PLS3: variants seen among roughly 807,000 people sequenced by gnomAD.
PLS3 encodes plastin 3.
In PLS3, 11 loss-of-function variants were observed where a neutral mutation model predicts 46.5. The ratio of observed to expected loss-of-function variants is 0.24; its 90% CI spans 0.15 to 0.39. The LOEUF is 0.39. Among genes scored for constraint, PLS3 ranks in the 10% least tolerant of loss-of-function variants. PLS3 has a pLI of 1.00. For missense variants in PLS3, 308 were observed against 461.8 expected (o/e 0.67, Z 3.05); for synonymous variants, 167 against 162.2 (o/e 1.03, Z -0.22).
chrX:115,562,139 C>G (rs1041424204), intron 1 of PLS3, among the ~76,000 whole-genome samples: 4 of 110,643 alleles, frequency 3.6e-5, no homozygotes, highest in African/African-American at 1.3e-4. Context: ...TCTACCCCCC[C>G]GCCCTTTCCC....
At chrX:115,570,267 A>G (rs782005959) in intron 1 of PLS3, among the ~76,000 whole-genome samples, 1 of 110,793 alleles carries the variant, frequency 9.0e-6, no homozygotes, top group Non-Finnish European at 1.9e-5. Context: ...TGTGGCATTG[A>G]GGAGGTTTCT....
intron 1 of PLS3, among the ~76,000 whole-genome samples, chrX:115,591,450 G>A (rs1208168410): frequency 6.3e-5 from 7 of 111,816 alleles, no homozygotes; most frequent in East Asian, 2.8e-4. Context: ...AACTTGAAAC[G>A]AGAGAAAGCT....
intron 11 of PLS3, 85 bp downstream of exon 11, chrX:115,645,184 A>T: frequency 6.7e-6 from 4 of 599,112 alleles, no homozygotes; most frequent in Non-Finnish European, 1.1e-5. Flanking sequence ...TTTTCTAGAT[A>T]TTAATTTGTA....
At chrX:115,587,954 C>T (rs782006472) in intron 1 of PLS3, among the ~76,000 whole-genome samples, 9 of 111,728 alleles carry the variant, frequency 8.1e-5, no homozygotes, top group African/African-American at 2.3e-4. Flanking sequence ...CCATTTTATC[C>T]GATCAATACT....
chrX:115,601,805 G>A (rs192353371), intron 1 of PLS3, among the ~76,000 whole-genome samples: 388 of 111,336 alleles, frequency 3.5e-3, no homozygotes, highest in Admixed American at 6.9e-3. Context: ...TGGAGACAGA[G>A]GAAAGTGGGA....
intron 7 of PLS3, 26 bp from the exon 8 acceptor site, chrX:115,636,810 G>C (rs1376777453): frequency 1.7e-6 from 2 of 1,152,373 alleles, no homozygotes; most frequent in Non-Finnish European, 2.3e-6. Context: ...TATAATAACT[G>C]TGGGATTTTT....
At chrX:115,598,917 T>A (rs1418672961) in intron 1 of PLS3, among the ~76,000 whole-genome samples, 1 of 111,781 alleles carries the variant, frequency 8.9e-6, no homozygotes, top group Non-Finnish European at 1.9e-5. Flanking sequence ...TCTGTATGAG[T>A]CTTTACTGAA....
intron 1 of PLS3, among the ~76,000 whole-genome samples, chrX:115,565,692 A>T (rs189348071): frequency 1.8e-5 from 2 of 111,986 alleles, no homozygotes; most frequent in Admixed American, 1.9e-4. Flanking sequence ...GCATTGATCC[A>T]AGCTAAATAC....
intron 3 of PLS3, among the ~76,000 whole-genome samples, chrX:115,628,557 T>TA (rs201516045): frequency 0.017 from 1,921 of 111,606 alleles, 41 homozygotes; most frequent in African/African-American, 0.058. Context: ...ATGTGAAACT[T>TA]ACTGTGTTAT....
intron 10 of PLS3, among the ~76,000 whole-genome samples, chrX:115,644,384 G>T (rs2074929587): frequency 9.0e-6 from 1 of 110,523 alleles, no homozygotes; most frequent in Non-Finnish European, 1.9e-5. Context: ...ATCACCTAAG[G>T]TCAGGAGTTC....
intron 1 of PLS3, among the ~76,000 whole-genome samples, chrX:115,601,629 T>A (rs1186310324): frequency 9.3e-6 from 1 of 107,060 alleles, no homozygotes; most frequent in Non-Finnish European, 1.9e-5. Flanking sequence ...ACTTAAAGTA[T>A]AATAAAAAAA....
At position 115,647,931 on chromosome X, in the gene PLS3, A is replaced by C; in HGVS notation, c.1674A>C (p.Leu558Phe). 1 of 1,204,422 alleles carries C rather than the reference A, an allele frequency of 8.3e-7. No individual in the cohort carries two copies. Among genetic ancestry groups the C allele is most frequent in the Non-Finnish European group, 1.1e-6 (1 of 888,764 alleles). The change falls in exon 15 of 16, where the codon TTA (leucine) becomes TTC (phenylalanine). Residue 558 changes from leucine to phenylalanine, a missense_variant. Physicochemically the swap from Leu to Phe is conservative, Grantham distance 22. Coordinates refer to ENST00000355899, the MANE Select transcript of PLS3 (RefSeq NM_005032.7). ...TISSSLAVVD[L>F]IDAIQPGCIN... ...GCTCCAGTTTGGCAGTTGTGGATTT[A>C]ATTGATGCCATCCAGCCAGGCTGTA...
intron 1 of PLS3, among the ~76,000 whole-genome samples, chrX:115,573,965 A>C (rs1174508938): frequency 1.8e-5 from 2 of 111,206 alleles, no homozygotes; most frequent in African/African-American, 6.5e-5. Flanking sequence ...CGACCTCGCA[A>C]AGTGCTGGGA....
intron 7 of PLS3, among the ~76,000 whole-genome samples, chrX:115,636,134 C>G (rs1336186784): frequency 1.8e-5 from 2 of 110,820 alleles, no homozygotes; most frequent in Admixed American, 9.7e-5. Context: ...CACCGTGTTT[C>G]TAGACTACTT....
rs1240958953 is a variant in PLS3 at position 115,649,876 on chromosome X, C to G, written c.*315C>G. The stretch of plus-strand genomic sequence containing the variant: ...TGTATGTTATTTCTTGCTCTGTTAT[C>G]TTTTGCCCTCTTAGAATGTCCCTCT... On this transcript the variant is annotated 3_prime_UTR_variant, in exon 16 of 16. Coordinates refer to ENST00000355899, the MANE Select transcript of PLS3 (RefSeq NM_005032.7). The G allele has an allele frequency of 6.4e-6, 1 of 156,155 alleles. No individual in the cohort carries two copies. The highest frequency in any genetic ancestry group is 1.2e-5 in the Non-Finnish European group (1 of 80,212). The allele number at this position is 156,155 out of a possible 1,213,427, so 12.9% of individuals were successfully genotyped here. A position where few individuals can be genotyped will look rare whatever the true frequency, so the allele number is the denominator to read the frequency against.
chrX:115,562,605 C>T (rs1015084142), intron 1 of PLS3: 2 of 110,822 alleles, frequency 1.8e-5, no homozygotes, highest in African/African-American at 6.6e-5. Context: ...AAGTAAAAAC[C>T]ATTGAGGGGC....
At chrX:115,595,712 T>C (rs2074381522) in intron 1 of PLS3, among the ~76,000 whole-genome samples, 1 of 93,727 alleles carries the variant, frequency 1.1e-5, no homozygotes, top group East Asian at 3.2e-4. Flanking sequence ...TTTTTTGAGA[T>C]GGAGTCTCAC....
chrX:115,564,240 T>G (rs2074158089), intron 1 of PLS3, among the ~76,000 whole-genome samples: 1 of 112,163 alleles, frequency 8.9e-6, no homozygotes. Flanking sequence ...TTGCCTTGAC[T>G]TAATACAGAC....
intron 4 of PLS3, 37 bp from the exon 5 acceptor site, chrX:115,629,798 G>A (rs2074746084): frequency 6.6e-6 from 6 of 910,228 alleles, no homozygotes; most frequent in South Asian, 4.6e-5. Flanking sequence ...ATAAGTTAGA[G>A]TATGAACTAA....
Sources: gnomAD v4.1 joint callset for allele counts (sites outside exome capture counted in the v4.1 genomes callset) on GRCh38, gnomAD v4.1.1 for gene constraint, MANE v1.5 for transcripts, NCBI Gene and HGNC (gene_info 2026-07-23, HGNC 2026-07-21) for gene names.